The following CDR2 variants were observed in gnomAD, a reference collection of about 807,000 sequenced individuals.
The protein encoded by CDR2 is cerebellar degeneration-related protein 2.
In CDR2, 34 loss-of-function variants were observed where a neutral mutation model predicts 48.4. The ratio of observed to expected loss-of-function variants is 0.70; its 90% confidence interval spans 0.53 to 0.94. The LOEUF (loss-of-function observed/expected upper bound fraction) is 0.94. CDR2 is among the 40% of genes least tolerant of loss of function. CDR2 has a pLI of 0.00. For synonymous variants in CDR2, 240 were observed against 219.7 expected (o/e 1.09, Z -0.82); for missense variants, 498 against 549.5 (o/e 0.91, Z 0.94).
chr16:22,358,988 A>C (rs2141848258), intron 2 of CDR2, among the ~76,000 whole-genome samples: 1 of 152,362 alleles, frequency 6.6e-6, no homozygotes. Context: ...AAGAAATGAT[A>C]AATGTTGGAG....
chr16:22,364,173 G>A (rs1004660571), intron 2 of CDR2, among the ~76,000 whole-genome samples: 1 of 152,002 alleles, frequency 6.6e-6, no homozygotes, highest in African/African-American at 2.4e-5. Context: ...GAATTCCTGA[G>A]CTTGGGCAAT....
intron 1 of CDR2, among the ~76,000 whole-genome samples, chr16:22,369,438 G>A (rs531593967): frequency 5.9e-5 from 9 of 152,150 alleles, no homozygotes; most frequent in African/African-American, 2.2e-4. Context: ...TGCTCCTGCA[G>A]AAAGAGATAC....
chr16:22,363,349 A>G (rs1368892972), intron 2 of CDR2, among the ~76,000 whole-genome samples: 1 of 152,216 alleles, frequency 6.6e-6, no homozygotes, highest in East Asian at 1.9e-4. Context: ...TGCAAGCCAT[A>G]CTTTCCTAGA....
At chr16:22,349,131 T>G in intron 4 of CDR2, 148 bp downstream of exon 4, 1 of 757,742 alleles carries the variant, frequency 1.3e-6, no homozygotes, top group East Asian at 2.5e-5. Context: ...CTGTAATTTA[T>G]ATGTTTAAGT....
intron 4 of CDR2, chr16:22,349,031 AT>A (rs2048924473): frequency 8.5e-6 from 3 of 354,786 alleles, no homozygotes; most frequent in Admixed American, 8.5e-5. Context: ...GTCTATCAGA[AT>A]TCATCTTAAA....
chr16:22,360,491 A>G (rs542878247), intron 2 of CDR2, among the ~76,000 whole-genome samples: 1 of 152,298 alleles, frequency 6.6e-6, no homozygotes, highest in South Asian at 2.1e-4. Context: ...CTTTGAAAGA[A>G]TATTTGTGGT....
At chr16:22,358,047 A>G (rs2048986462) in intron 2 of CDR2, among the ~76,000 whole-genome samples, 1 of 152,216 alleles carries the variant, frequency 6.6e-6, no homozygotes, top group African/African-American at 2.4e-5. Context: ...GAAGAGTCTG[A>G]CAAAACCAGT....
chr16:22,350,883 T>TA (rs1267670988), intron 2 of CDR2, among the ~76,000 whole-genome samples: 4 of 152,086 alleles, frequency 2.6e-5, no homozygotes, highest in African/African-American at 2.4e-5. Flanking sequence ...GGAGGATTTT[T>TA]AAAAAAAATT....
chr16:22,350,929 C>A (rs1297624883), intron 2 of CDR2, among the ~76,000 whole-genome samples: 2 of 152,084 alleles, frequency 1.3e-5, no homozygotes, highest in African/African-American at 4.8e-5. Flanking sequence ...GCACAATGTG[C>A]AGGTTTGATA....
At chr16:22,358,189 C>G (rs2048988641) in intron 2 of CDR2, among the ~76,000 whole-genome samples, 1 of 152,120 alleles carries the variant, frequency 6.6e-6, no homozygotes, top group African/African-American at 2.4e-5. Flanking sequence ...TTTCCTACCT[C>G]TCATCTCAAG....
At chr16:22,370,967 C>A (rs2049071659) in intron 1 of CDR2, among the ~76,000 whole-genome samples, 1 of 152,172 alleles carries the variant, frequency 6.6e-6, no homozygotes, top group Non-Finnish European at 1.5e-5. Flanking sequence ...AATCCCAGCA[C>A]TTTGGGAGGC....
At chr16:22,365,160 A>G in intron 1 of CDR2, 146 bp from the exon 2 acceptor site, 1 of 590,562 alleles carries the variant, frequency 1.7e-6, no homozygotes, top group Non-Finnish European at 3.0e-6. Flanking sequence ...AGTTCTACTT[A>G]AAATTCAGTT....
In CDR2 at chr16:22,349,472, G is replaced by A. The variant is rs775409885; in HGVS notation, c.342-29C>T. On this transcript the variant is annotated intron_variant, in intron 3 of 4. Transcript: ENST00000268383. ...TGAGGAACAGACAGAAGCCACTGCTGCTTGTCATATTGAATCAAGGGCAAA... is the reference window on the plus strand; with the variant it reads ...TGAGGAACAGACAGAAGCCACTGCTACTTGTCATATTGAATCAAGGGCAAA... 5.0e-6 allele frequency: 8 copies of A among 1,612,602 alleles called. No homozygotes were observed. The South Asian group carries it at 7.7e-5, about 16-fold the overall frequency.
intron 1 of CDR2, 37 bp from the exon 2 acceptor site, chr16:22,365,051 A>G: frequency 7.8e-7 from 1 of 1,284,840 alleles, no homozygotes; most frequent in Admixed American, 1.7e-5. Flanking sequence ...AATACAAATG[A>G]TCTCACATCA....
chr16:22,370,278 G>A (rs1334342163), intron 1 of CDR2, among the ~76,000 whole-genome samples: 2 of 152,114 alleles, frequency 1.3e-5, no homozygotes, highest in African/African-American at 2.4e-5. Context: ...TGGGAAAGCA[G>A]AAAACCTGAA....
intron 2 of CDR2, among the ~76,000 whole-genome samples, chr16:22,362,867 G>A (rs1020785592): frequency 5.3e-5 from 8 of 149,612 alleles, no homozygotes; most frequent in African/African-American, 9.9e-5. Context: ...GATTATAGGC[G>A]TTAGCCACCA....
At chr16:22,362,952 G>A (rs2049019626) in intron 2 of CDR2, among the ~76,000 whole-genome samples, 1 of 149,772 alleles carries the variant, frequency 6.7e-6, no homozygotes, top group South Asian at 2.1e-4. Flanking sequence ...TCTACAGTAG[G>A]TCTTTTTTTT....
chr16:22,367,742 T>C (rs2049052317), intron 1 of CDR2, among the ~76,000 whole-genome samples: 1 of 152,208 alleles, frequency 6.6e-6, no homozygotes, highest in South Asian at 2.1e-4. Context: ...AAGTGCATAA[T>C]TAGTATTCTA....
chr16:22,372,602 T>C (rs144173554), intron 1 of CDR2, among the ~76,000 whole-genome samples: 1 of 152,348 alleles, frequency 6.6e-6, no homozygotes, highest in East Asian at 1.9e-4. Context: ...TCACAAATCC[T>C]GGAGAAACTA....
Sources: gnomAD v4.1 joint callset for allele counts (sites outside exome capture counted in the v4.1 genomes callset) on GRCh38, gnomAD v4.1.1 for gene constraint, MANE v1.5 for transcripts, NCBI Gene and HGNC (gene_info 2026-07-23, HGNC 2026-07-21) for gene names.